CHRNA5: variants seen among roughly 807,000 people sequenced by gnomAD.
The protein encoded by CHRNA5 is neuronal acetylcholine receptor subunit alpha-5.
In CHRNA5, 28 loss-of-function variants were observed where a neutral mutation model predicts 41.2. That is an observed-to-expected ratio of 0.68 (90% CI 0.50 to 0.93). The LOEUF is 0.93. CHRNA5 is among the 40% of genes least tolerant of loss of function. CHRNA5 has a pLI of 0.00. For missense variants in CHRNA5, 481 were observed against 581.9 expected, an observed-to-expected ratio of 0.83 and a Z score of 1.78; for synonymous variants, 188 against 205.8, an observed-to-expected ratio of 0.91 and a Z score of 0.74.
intron 1 of CHRNA5, among the ~76,000 whole-genome samples, chr15:78,575,984 A>T (rs1230809661): frequency 2.6e-5 from 4 of 152,182 alleles, no homozygotes; most frequent in Non-Finnish European, 5.9e-5. Context: ...TAAAAATTGG[A>T]TTATTGAATC....
chr15:78,569,103 A>G (rs145079038), intron 1 of CHRNA5, among the ~76,000 whole-genome samples: 54 of 152,356 alleles, frequency 3.5e-4, no homozygotes, highest in African/African-American at 1.1e-3. Flanking sequence ...ATTTCCAAGA[A>G]ATACTAAATA....
At chr15:78,583,068 C>T (rs1596061240) in intron 2 of CHRNA5, among the ~76,000 whole-genome samples, 1 of 152,082 alleles carries the variant, frequency 6.6e-6, no homozygotes, top group East Asian at 1.9e-4. Context: ...GCCCATTACA[C>T]TCACTGGTAC....
intron 2 of CHRNA5, among the ~76,000 whole-genome samples, chr15:78,585,740 G>T (rs183569438): frequency 1.3e-5 from 2 of 150,736 alleles, no homozygotes; most frequent in Non-Finnish European, 3.0e-5. Context: ...TATGAAATTC[G>T]TATTCAAGGC....
intron 1 of CHRNA5, among the ~76,000 whole-genome samples, chr15:78,569,923 G>A (rs960678156): frequency 9.3e-5 from 14 of 149,860 alleles, no homozygotes; most frequent in African/African-American, 3.4e-4. Flanking sequence ...GGGTTCAAGT[G>A]ATTCTCCTGC....
chr15:78,579,260 T>C (rs910097753), intron 1 of CHRNA5, among the ~76,000 whole-genome samples: 8 of 151,982 alleles, frequency 5.3e-5, no homozygotes, highest in Non-Finnish European at 8.8e-5. Context: ...TTTGTTTGTT[T>C]GTTTGTTTTT....
chr15:78,574,042 T>C (rs2052832534), intron 1 of CHRNA5, among the ~76,000 whole-genome samples: 2 of 144,884 alleles, frequency 1.4e-5, no homozygotes, highest in Admixed American at 1.4e-4. Context: ...CTCAAACTCC[T>C]AACCTCGTGA....
intron 4 of CHRNA5, chr15:78,589,229 A>C (rs987477121): frequency 2.6e-5 from 4 of 152,274 alleles, no homozygotes; most frequent in African/African-American, 9.6e-5. Flanking sequence ...ATTTGAAGAC[A>C]GCAACATTTT....
In CHRNA5 at chr15:78,590,216, T is replaced by TGAAGG. The variant is rs752206038; in HGVS notation, c.825_826insGAAGG (p.Ser276GlufsTer19). The TGAAGG allele has an allele frequency of 4.6e-5, 75 of 1,613,982 alleles. No homozygotes were observed. Among genetic ancestry groups the TGAAGG allele is most frequent in the Non-Finnish European group, 6.0e-5 (71 of 1,180,050 alleles). ...TAACTGTACTTGTCTTCTATCTTCC[T>TGAAGG]TCAAATGAAGGTGAAAAGATTTGTC... On this transcript the variant is annotated frameshift_variant, in exon 5 of 6. Transcript: ENST00000299565. LOFTEE classifies it high-confidence loss of function.
chr15:78,580,871 A>T lies in CHRNA5; in HGVS notation c.167A>T (p.Gln56Leu), dbSNP rs201040941. The T allele has an allele frequency of 6.3e-5, 102 of 1,613,592 alleles. No individual in the cohort carries two copies. Among genetic ancestry groups the T allele is most frequent in the South Asian group, 2.6e-4 (24 of 91,068 alleles). ...GATAGTTTGCTTAAGGATTTATTTCAAGACTACGAAAGATGGGTTCGTCCT... is the reference window on the plus strand; with the variant it reads ...GATAGTTTGCTTAAGGATTTATTTCTAGACTACGAAAGATGGGTTCGTCCT... The change falls in exon 2 of 6, where the codon CAA (glutamine) becomes CTA (leucine). Residue 56 changes from glutamine to leucine, a missense_variant. Coordinates refer to ENST00000299565, the Ensembl canonical transcript of CHRNA5.
chr15:78,590,517 C>G, exon 5 of CHRNA5: 1 of 1,614,144 alleles, frequency 6.2e-7, no homozygotes, highest in South Asian at 1.1e-5. Context: ...GTACTTCACT[C>G]AGAAAGAGGA....
intron 1 of CHRNA5, among the ~76,000 whole-genome samples, chr15:78,566,649 G>A (rs1405466097): frequency 6.6e-6 from 1 of 152,182 alleles, no homozygotes; most frequent in Non-Finnish European, 1.5e-5. Context: ...CAGGTTTTAT[G>A]AGTGAGTTTC....
exon 5 of CHRNA5, chr15:78,589,873 C>G (rs762012646): frequency 4.3e-6 from 7 of 1,613,890 alleles, no homozygotes; most frequent in Non-Finnish European, 5.9e-6. Context: ...GTCACCTGGA[C>G]TCCACCGGCA....
At chr15:78,567,997 G>A (rs2052765678) in intron 1 of CHRNA5, among the ~76,000 whole-genome samples, 1 of 152,180 alleles carries the variant, frequency 6.6e-6, no homozygotes, top group Non-Finnish European at 1.5e-5. Flanking sequence ...ACTTGACCTT[G>A]CTGATTCTTT....
chr15:78,583,208 G>T (rs911100942), intron 2 of CHRNA5, among the ~76,000 whole-genome samples: 2 of 152,126 alleles, frequency 1.3e-5, no homozygotes, highest in African/African-American at 4.8e-5. Flanking sequence ...CAACAGACAC[G>T]ATCAAAGCAG....
chr15:78,590,698 A>G, intron 5 of CHRNA5, 62 bp downstream of exon 5: 1 of 1,437,502 alleles, frequency 7.0e-7, no homozygotes, highest in Non-Finnish European at 9.4e-7. Flanking sequence ...AGTTACTTTC[A>G]TTAATTTTGG....
intron 2 of CHRNA5, among the ~76,000 whole-genome samples, chr15:78,586,358 G>C (rs907737045): frequency 6.6e-6 from 1 of 152,184 alleles, no homozygotes; most frequent in Non-Finnish European, 1.5e-5. Context: ...ATCTTAGACT[G>C]CATCTTAAAT....
In CHRNA5 at chr15:78,580,858, A is replaced by T; in HGVS notation, c.154A>T (p.Lys52Ter). 6.2e-7 allele frequency: 1 copy of T among 1,613,360 alleles called. No individual in the cohort carries two copies. ...TGCAAAACATGAAGATAGTTTGCTT[A>T]AGGATTTATTTCAAGACTACGAAAG... The change falls in exon 2 of 6, where the codon AAG becomes TAG. Residue 52 changes from lysine to a stop codon, truncating the protein, a stop_gained. Coordinates refer to ENST00000299565, the Ensembl canonical transcript of CHRNA5. LOFTEE classifies it high-confidence loss of function.
chr15:78,575,194 A>T (rs1180073134), intron 1 of CHRNA5, among the ~76,000 whole-genome samples: 3 of 152,182 alleles, frequency 2.0e-5, no homozygotes, highest in African/African-American at 7.2e-5. Context: ...TCATTCTCCC[A>T]GTTCCTCAAA....
chr15:78,594,915 AAC>A (rs1197061247), exon 6 of CHRNA5: 4 of 152,336 alleles, frequency 2.6e-5, no homozygotes, highest in Admixed American at 2.6e-4. Context: ...TCACAGTTAA[AAC>A]AGTTAAATTC....
Sources: allele counts gnomAD v4.1 joint callset (sites outside exome capture counted in the v4.1 genomes callset), GRCh38; gene constraint gnomAD v4.1.1; transcripts MANE v1.5; gene names NCBI Gene and HGNC (gene_info 2026-07-23, HGNC 2026-07-21).